Variants in PTK2B observed in about 807,000 individuals in gnomAD.
The protein encoded by PTK2B is protein tyrosine kinase 2 beta.
A neutral mutation model predicts 142.9 loss-of-function variants in PTK2B; 71 were observed. The ratio of observed to expected loss-of-function variants is 0.50; its 90% CI spans 0.41 to 0.61. PTK2B has a LOEUF of 0.61. Among genes scored for constraint, PTK2B ranks in the 20% least tolerant of loss-of-function variants. The probability of loss-of-function intolerance (pLI) is 0.00; values close to 1 mark genes in which losing one functional copy is unlikely to be tolerated. For missense variants in PTK2B, 1,105 were observed against 1,320.4 expected, an observed-to-expected ratio of 0.84 and a Z score of 2.53; for synonymous variants, 519 against 503.4, an observed-to-expected ratio of 1.03 and a Z score of -0.42.
At chr8:27,353,265 T>A (rs1489702367) in intron 1 of PTK2B, among the ~76,000 whole-genome samples, 7 of 152,180 alleles carry the variant, frequency 4.6e-5, no homozygotes, top group Admixed American at 4.6e-4. Flanking sequence ...TGTGTTTTTC[T>A]CCAATACTCA....
At chr8:27,352,223 A>G (rs923602514) in intron 1 of PTK2B, among the ~76,000 whole-genome samples, 2 of 152,168 alleles carry the variant, frequency 1.3e-5, no homozygotes, top group African/African-American at 2.4e-5. Context: ...CCATCACCCC[A>G]TTACTTTTTC....
At chr8:27,314,579 CT>C (rs1375576933) in intron 3 of PTK2B, among the ~76,000 whole-genome samples, 1 of 152,232 alleles carries the variant, frequency 6.6e-6, no homozygotes, top group African/African-American at 2.4e-5. Context: ...TGTAACTTTA[CT>C]TCATCCTCTC....
intron 1 of PTK2B, among the ~76,000 whole-genome samples, chr8:27,341,075 C>A (rs898943600): frequency 6.6e-6 from 1 of 152,088 alleles, no homozygotes; most frequent in Non-Finnish European, 1.5e-5. Context: ...GCTATTCCAT[C>A]GGGATGATGA....
intron 1 of PTK2B, among the ~76,000 whole-genome samples, chr8:27,338,040 A>G (rs1804182338): frequency 6.6e-6 from 1 of 152,038 alleles, no homozygotes; most frequent in Non-Finnish European, 1.5e-5. Context: ...GTTGTCTGTA[A>G]TTTCGTTGTT....
chr8:27,332,086 C>G (rs2130850954), intron 1 of PTK2B, among the ~76,000 whole-genome samples: 1 of 152,354 alleles, frequency 6.6e-6, no homozygotes, highest in Middle Eastern at 3.4e-3. Context: ...CCAACCAAGA[C>G]AGCTGCAAGT....
intron 2 of PTK2B, among the ~76,000 whole-genome samples, chr8:27,405,082 G>T (rs1808634131): frequency 2.0e-5 from 2 of 101,658 alleles, no homozygotes; most frequent in East Asian, 5.4e-4. Flanking sequence ...GCCATGTGAG[G>T]ACAGAAGGAG....
chr8:27,354,179 T>C (rs1805266038), intron 1 of PTK2B, among the ~76,000 whole-genome samples: 1 of 152,174 alleles, frequency 6.6e-6, no homozygotes, highest in African/African-American at 2.4e-5. Context: ...GCCATAGCCC[T>C]ATCACCCAGA....
chr8:27,327,025 G>A (rs946521204), intron 1 of PTK2B: 1 of 152,312 alleles, frequency 6.6e-6, no homozygotes, highest in Non-Finnish European at 1.5e-5. Flanking sequence ...TGGCCAGGAG[G>A]GCGTCCTGGC....
intron 20 of PTK2B, 67 bp downstream of exon 20, chr8:27,439,465 G>C (rs1811016077): frequency 2.1e-5 from 31 of 1,508,980 alleles, no homozygotes; most frequent in Non-Finnish European, 2.9e-5. Context: ...GGCTAAGGGG[G>C]TGGGTGCAGG....
chr8:27,314,543 T>C (rs1803052769), intron 3 of PTK2B, among the ~76,000 whole-genome samples: 1 of 152,242 alleles, frequency 6.6e-6, no homozygotes, highest in Non-Finnish European at 1.5e-5. Flanking sequence ...ATCCTCCCCA[T>C]AGGGCGTAGG....
intron 21 of PTK2B, among the ~76,000 whole-genome samples, chr8:27,441,264 A>G (rs1052766599): frequency 6.6e-6 from 1 of 152,154 alleles, no homozygotes; most frequent in African/African-American, 2.4e-5. Flanking sequence ...AATAAGTTTC[A>G]TGTGTCATGA....
chr8:27,358,202 A>G (rs562698792), intron 1 of PTK2B, among the ~76,000 whole-genome samples: 5 of 152,346 alleles, frequency 3.3e-5, no homozygotes, highest in South Asian at 2.1e-4. Context: ...GGCTGTGGAT[A>G]TAGCTCTGCA....
intron 5 of PTK2B, among the ~76,000 whole-genome samples, chr8:27,425,267 A>G (rs1336900911): frequency 6.6e-6 from 1 of 151,814 alleles, no homozygotes; most frequent in Non-Finnish European, 1.5e-5. Context: ...ATAGTATTAT[A>G]TGGTATTGCA....
chr8:27,397,337 T>G (rs1249934479), intron 1 of PTK2B: 4 of 528,222 alleles, frequency 7.6e-6, no homozygotes, highest in Non-Finnish European at 1.0e-5. Context: ...CAAGTCTGGG[T>G]TTCATACCTG....
At chr8:27,392,664 G>C (rs1807799100) in intron 1 of PTK2B, among the ~76,000 whole-genome samples, 1 of 152,182 alleles carries the variant, frequency 6.6e-6, no homozygotes. Flanking sequence ...ATGGAATTGA[G>C]AGCTATGTTC....
intron 1 of PTK2B, among the ~76,000 whole-genome samples, chr8:27,351,818 C>T (rs1404583163): frequency 1.3e-5 from 2 of 152,184 alleles, no homozygotes; most frequent in Non-Finnish European, 2.9e-5. Flanking sequence ...TTAAAACCAC[C>T]CGTTGAAGGG....
chr8:27,401,899 GATGGTGATGA>G (rs1193481663), intron 2 of PTK2B, among the ~76,000 whole-genome samples: 5 of 152,160 alleles, frequency 3.3e-5, no homozygotes, highest in African/African-American at 1.2e-4. Flanking sequence ...TGGTGATGAT[GATGGTGATGA>G]TGACAGTAGT....
At chr8:27,444,381 A>G in intron 23 of PTK2B, 110 bp downstream of exon 23, 2 of 1,253,042 alleles carry the variant, frequency 1.6e-6, no homozygotes, top group Non-Finnish European at 2.3e-6. Context: ...GGTGATGGAG[A>G]TGGCCTAGGT....
intron 1 of PTK2B, among the ~76,000 whole-genome samples, chr8:27,346,515 C>T (rs1804721980): frequency 6.6e-6 from 1 of 152,176 alleles, no homozygotes; most frequent in African/African-American, 2.4e-5. Flanking sequence ...AGCTGCACTC[C>T]AGCCTGGGCA....
Sources: gnomAD v4.1 joint callset for allele counts (sites outside exome capture counted in the v4.1 genomes callset) on GRCh38, gnomAD v4.1.1 for gene constraint, MANE v1.5 for transcripts, NCBI Gene and HGNC (gene_info 2026-07-23, HGNC 2026-07-21) for gene names.